Variants in EHBP1 observed in about 807,000 individuals in gnomAD.
EHBP1 encodes the protein EH domain binding protein 1.
A neutral mutation model predicts 144.0 loss-of-function variants in EHBP1; 55 were observed. That is an observed-to-expected ratio of 0.38 (90% CI 0.31 to 0.48). The LOEUF (loss-of-function observed/expected upper bound fraction) is 0.48. EHBP1 is among the 20% of genes least tolerant of loss of function. The pLI is 0.98. For synonymous variants in EHBP1, 469 were observed against 472.7 expected, an observed-to-expected ratio of 0.99 and a Z score of 0.10; for missense variants, 1,200 against 1,364.2, an observed-to-expected ratio of 0.88 and a Z score of 1.90.
chr2:62,864,927 C>T lies in EHBP1; in HGVS notation c.954C>T (p.Tyr318=), dbSNP rs1257076382. 2.5e-6 allele frequency: 4 copies of T among 1,613,558 alleles called. No homozygotes were observed. Among genetic ancestry groups the T allele is most frequent in the Non-Finnish European group, 3.4e-6 (4 of 1,179,820 alleles). ...TAAGACCTGTGGATATGAGCAAGTACCTCTATGCTGATAGTTCTAAAACTG... is the reference window on the plus strand; with the variant it reads ...TAAGACCTGTGGATATGAGCAAGTATCTCTATGCTGATAGTTCTAAAACTG... ...KNIRPVDMSK[Y]LYADSSKTEE... is the part of the protein sequence containing the mutation. The change falls in exon 9 of 23, where the codon TAC becomes TAT. Residue 318 remains tyrosine, a synonymous_variant. Transcript: ENST00000431489.
At chr2:62,854,515 G>A (rs2048894934) in intron 7 of EHBP1, among the ~76,000 whole-genome samples, 1 of 152,160 alleles carries the variant, frequency 6.6e-6, no homozygotes, top group African/African-American at 2.4e-5. Flanking sequence ...GGCCTTTGCA[G>A]GGTTTAACTG....
chr2:63,039,306 G>A (rs1442465355), intron 21 of EHBP1, among the ~76,000 whole-genome samples: 1 of 151,894 alleles, frequency 6.6e-6, no homozygotes. Flanking sequence ...TGGCATAAAA[G>A]ATAAATGAAA....
chr2:62,921,473 A>G (rs1017762566), intron 10 of EHBP1, among the ~76,000 whole-genome samples: 4 of 152,000 alleles, frequency 2.6e-5, no homozygotes, highest in Non-Finnish European at 4.4e-5. Context: ...AGTAATCCCC[A>G]TGATAACCAC....
At chr2:62,963,726 T>C (rs2058107132) in intron 14 of EHBP1, among the ~76,000 whole-genome samples, 1 of 152,234 alleles carries the variant, frequency 6.6e-6, no homozygotes, top group Non-Finnish European at 1.5e-5. Flanking sequence ...CTAAGACCTT[T>C]AATAACATAT....
chr2:63,045,380 T>A lies in EHBP1; in HGVS notation c.3393-30T>A. 6.2e-7 allele frequency: 1 copy of A among 1,601,596 alleles called. No homozygotes were observed. Among genetic ancestry groups the A allele is most frequent in the Non-Finnish European group, 8.6e-7 (1 of 1,168,834 alleles). On this transcript the variant is annotated intron_variant, in intron 22 of 22. Transcript: ENST00000431489. This position sits in a 1 kb window ranked among gnomAD's most constrained non-coding sequence, Gnocchi z 5.7. The stretch of plus-strand genomic sequence containing the variant: ...CTCCACGAAGAAAAATAATTTTGTT[T>A]CCTGTTTGTCCTGTTTGTCTGACAT...
At chr2:62,892,003 AC>A (rs2052498650) in intron 10 of EHBP1, among the ~76,000 whole-genome samples, 1 of 152,172 alleles carries the variant, frequency 6.6e-6, no homozygotes, top group Non-Finnish European at 1.5e-5. Flanking sequence ...TTGTAGTATT[AC>A]TGTATAGTAA....
chr2:62,874,266 T>G (rs1266446490), intron 9 of EHBP1, 80 bp from the exon 10 acceptor site: 3 of 1,133,492 alleles, frequency 2.6e-6, no homozygotes, highest in Non-Finnish European at 3.6e-6. Flanking sequence ...AATTTTAGTT[T>G]TCAGTGCATG....
At chr2:62,815,660 C>G (rs1220255158) in intron 5 of EHBP1, among the ~76,000 whole-genome samples, 3 of 152,046 alleles carry the variant, frequency 2.0e-5, no homozygotes, top group Non-Finnish European at 4.4e-5. Flanking sequence ...TTTATTGAAA[C>G]TGAGCAAAGT....
chr2:63,008,278 A>G (rs1183666236), intron 19 of EHBP1, among the ~76,000 whole-genome samples: 2 of 151,742 alleles, frequency 1.3e-5, no homozygotes, highest in African/African-American at 2.4e-5. Context: ...GATATGGCAG[A>G]TTAACATTCT....
intron 19 of EHBP1, among the ~76,000 whole-genome samples, chr2:63,029,722 C>G (rs1176369671): frequency 2.6e-5 from 4 of 152,000 alleles, no homozygotes; most frequent in African/African-American, 9.7e-5. Context: ...AAAAGCTAAA[C>G]TGAACAAAAG....
chr2:62,721,214 A>G (rs1290849886), intron 2 of EHBP1, among the ~76,000 whole-genome samples: 1 of 152,136 alleles, frequency 6.6e-6, no homozygotes, highest in African/African-American at 2.4e-5. Context: ...ATTTTGTAGA[A>G]TGTCCCTCAA....
chr2:62,784,176 T>C (rs913622261), intron 5 of EHBP1, among the ~76,000 whole-genome samples: 1 of 152,250 alleles, frequency 6.6e-6, no homozygotes, highest in African/African-American at 2.4e-5. Flanking sequence ...AATCATGATG[T>C]ATTTACTTTA....
intron 10 of EHBP1, 25 bp downstream of exon 10, chr2:62,874,557 A>G: frequency 6.6e-7 from 1 of 1,504,648 alleles, no homozygotes; most frequent in Non-Finnish European, 8.9e-7. Flanking sequence ...ATAGTAAAAC[A>G]TGTATTAATA....
upstream of EHBP1, among the ~76,000 whole-genome samples, chr2:62,701,635 G>T (rs1420404313): frequency 2.0e-5 from 3 of 152,296 alleles, no homozygotes; most frequent in East Asian, 5.8e-4. Flanking sequence ...TGGGGTATAA[G>T]AGGAGAAAAG....
In EHBP1 at chr2:62,817,570, C is replaced by G. The variant is rs564436676; in HGVS notation, c.313-8517C>G. Among the ~76,000 whole-genome samples the G allele has an allele frequency of 2.1e-4, 32 of 152,162 alleles. 1 individual carries two copies. Among genetic ancestry groups the G allele is most frequent in the Admixed American group, 1.9e-3 (29 of 15,284 alleles). ...GGGCTTTTTGGCTTTTGCTGTGGGG[C>G]AATTGAAGGCTTTTGAGTAGAGGAA... On this transcript the variant is annotated intron_variant, in intron 5 of 22. Transcript: ENST00000431489.
At chr2:62,679,533 G>C (rs543237740) in intron 1 of EHBP1, among the ~76,000 whole-genome samples, 1 of 151,884 alleles carries the variant, frequency 6.6e-6, no homozygotes, top group East Asian at 1.9e-4. Context: ...CCCATAATTG[G>C]CTCTCCTAAT....
chr2:62,883,519 A>G (rs2051650549), intron 10 of EHBP1, among the ~76,000 whole-genome samples: 2 of 152,208 alleles, frequency 1.3e-5, no homozygotes, highest in East Asian at 1.9e-4. Flanking sequence ...TGGATAAGAC[A>G]CCTGGTAGTT....
chr2:62,940,438 A>G (rs2153068220), intron 10 of EHBP1, among the ~76,000 whole-genome samples: 1 of 152,326 alleles, frequency 6.6e-6, no homozygotes, highest in South Asian at 2.1e-4. Context: ...CTACAACCCT[A>G]TGAGATATGT....
At chr2:62,948,123 T>C in intron 12 of EHBP1, 137 bp from the exon 13 acceptor site, 1 of 632,498 alleles carries the variant, frequency 1.6e-6, no homozygotes, top group East Asian at 3.3e-5. Flanking sequence ...TGTCTGACTT[T>C]TGGAAATTTG....
Sources: allele counts gnomAD v4.1 joint callset (sites outside exome capture counted in the v4.1 genomes callset), GRCh38; gene constraint gnomAD v4.1.1; non-coding constraint Gnocchi (gnomAD v3.1); transcripts MANE v1.5; gene names NCBI Gene and HGNC (gene_info 2026-07-23, HGNC 2026-07-21).